The following SEPTIN7 variants were observed in gnomAD, a reference collection of about 807,000 sequenced individuals.
The protein encoded by SEPTIN7 is septin-7.
A neutral mutation model predicts 63.3 loss-of-function variants in SEPTIN7; 10 were observed. The ratio of observed to expected loss-of-function variants is 0.16; its 90% CI spans 0.10 to 0.27. The LOEUF is 0.27. SEPTIN7 is among the 10% of genes least tolerant of loss of function. The probability of loss-of-function intolerance (pLI) is 1.00; values close to 1 mark genes in which losing one functional copy is unlikely to be tolerated. For synonymous variants in SEPTIN7, 131 were observed against 165.3 expected (o/e 0.79, Z 1.59); for missense variants, 310 against 521.0 (o/e 0.59, Z 3.94).
the SEPTIN7 span, among the ~76,000 whole-genome samples, chr7:35,914,580 C>G: frequency 6.6e-6 from 1 of 152,018 alleles, no homozygotes; most frequent in South Asian, 2.1e-4. Context: ...TTGCCAGCTT[C>G]CACAATTGTG....
intron 11 of SEPTIN7, among the ~76,000 whole-genome samples, chr7:35,896,868 C>T (rs1787987323): frequency 6.6e-6 from 1 of 152,206 alleles, no homozygotes; most frequent in Non-Finnish European, 1.5e-5. Context: ...CATCTTAATT[C>T]ATAGCATTAT....
intron 3 of SEPTIN7, among the ~76,000 whole-genome samples, chr7:35,863,211 T>C (rs1291726443): frequency 2.0e-5 from 3 of 150,588 alleles, no homozygotes; most frequent in Non-Finnish European, 3.0e-5. Context: ...TTTATTTCAC[T>C]CAAGCAGCGA....
intron 7 of SEPTIN7, 46 bp from the exon 8 acceptor site, chr7:35,882,438 C>A: frequency 7.6e-7 from 1 of 1,316,518 alleles, no homozygotes; most frequent in Non-Finnish European, 9.9e-7. Context: ...GACTAATATA[C>A]TAATTATGTA....
intron 1 of SEPTIN7, among the ~76,000 whole-genome samples, chr7:35,816,099 A>G (rs1229152526): frequency 6.6e-6 from 1 of 152,180 alleles, no homozygotes. Flanking sequence ...TTTACATGCC[A>G]TAAAATATAC....
Position 35,906,311 on chromosome 7 carries a change from C to G in SEPTIN7, c.*2018C>G, listed in dbSNP as rs1307214675. 1 of 152,182 alleles carries G rather than the reference C, an allele frequency of 6.6e-6. No homozygotes were observed. The highest frequency in any genetic ancestry group is 1.5e-5 in the Non-Finnish European group (1 of 68,022). 9.4% of individuals were successfully genotyped at this position (152,182 alleles called of 1,614,324 possible). ...GGCATGCCCAGGGTTTTACCTGAATCTGATACAGGATCTATATAACTTTAC... is the reference window on the plus strand; with the variant it reads ...GGCATGCCCAGGGTTTTACCTGAATGTGATACAGGATCTATATAACTTTAC... On this transcript the variant is annotated 3_prime_UTR_variant, in exon 14 of 14. Transcript: ENST00000350320.
the SEPTIN7 span, among the ~76,000 whole-genome samples, chr7:35,913,835 A>C: frequency 9.9e-5 from 15 of 152,156 alleles, no homozygotes; most frequent in African/African-American, 3.6e-4. Context: ...AGTGAGCCTT[A>C]CACCTTGGCC....
At chr7:35,860,392 A>G (rs527720442) in intron 3 of SEPTIN7, among the ~76,000 whole-genome samples, 1 of 152,318 alleles carries the variant, frequency 6.6e-6, no homozygotes, top group Non-Finnish European at 1.5e-5. Flanking sequence ...AACCAAAATT[A>G]TAATAATACT....
chr7:35,848,192 AT>A (rs1208398068), intron 3 of SEPTIN7, among the ~76,000 whole-genome samples: 1 of 152,170 alleles, frequency 6.6e-6, no homozygotes, highest in Admixed American at 6.5e-5. Flanking sequence ...TATTTTCTTA[AT>A]TAATGCTGGC....
chr7:35,829,867 CT>C (rs1783738312), intron 1 of SEPTIN7, among the ~76,000 whole-genome samples: 1 of 151,630 alleles, frequency 6.6e-6, no homozygotes, highest in African/African-American at 2.4e-5. Context: ...TAGGGCAGGC[CT>C]TTTTGAAGGT....
At chr7:35,895,506 A>ACAGCATAT (rs1787907340) in intron 11 of SEPTIN7, among the ~76,000 whole-genome samples, 1 of 152,238 alleles carries the variant, frequency 6.6e-6, no homozygotes, top group Non-Finnish European at 1.5e-5. Context: ...ACACATTTGC[A>ACAGCATAT]GGTTTAAAAC....
chr7:35,839,697 G>A (rs1269126423), intron 3 of SEPTIN7, among the ~76,000 whole-genome samples: 6 of 151,996 alleles, frequency 3.9e-5, no homozygotes, highest in African/African-American at 1.2e-4. Context: ...GATTATAGGC[G>A]CCTGCCACCA....
chr7:35,911,612 A>T (rs907815307), downstream of SEPTIN7, among the ~76,000 whole-genome samples: 6 of 152,236 alleles, frequency 3.9e-5, no homozygotes, highest in Admixed American at 6.5e-5. Flanking sequence ...AGCTGATCTG[A>T]ACAAAACGGC....
At chr7:35,904,124 T>C in intron 13 of SEPTIN7, 130 bp from the exon 14 acceptor site, 1 of 557,712 alleles carries the variant, frequency 1.8e-6, no homozygotes. Context: ...AATCTTTTAA[T>C]TTTTTTCAGT....
At chr7:35,856,237 A>G (rs1483524049) in intron 3 of SEPTIN7, among the ~76,000 whole-genome samples, 1 of 152,210 alleles carries the variant, frequency 6.6e-6, no homozygotes, top group Non-Finnish European at 1.5e-5. Flanking sequence ...ATTATACAGT[A>G]TGTATTCTTT....
downstream of SEPTIN7, among the ~76,000 whole-genome samples, chr7:35,908,729 C>T (rs542499281): frequency 5.9e-5 from 9 of 152,256 alleles, no homozygotes; most frequent in East Asian, 1.7e-3. Context: ...GCTTAGCTCC[C>T]TTTTGTCCAA....
chr7:35,829,066 C>T (rs531881321), intron 1 of SEPTIN7, among the ~76,000 whole-genome samples: 103 of 151,098 alleles, frequency 6.8e-4, no homozygotes, highest in African/African-American at 2.5e-3. Flanking sequence ...GCCTCCCTGA[C>T]CTCATTTCCT....
downstream of SEPTIN7, among the ~76,000 whole-genome samples, chr7:35,911,813 T>C (rs1014767455): frequency 4.6e-5 from 7 of 152,166 alleles, no homozygotes; most frequent in Non-Finnish European, 8.8e-5. Flanking sequence ...AGAAAGACAC[T>C]CTACAAACTT....
At chr7:35,832,718 G>C (rs774842801) in intron 2 of SEPTIN7, 80 bp from the exon 3 acceptor site, 1 of 811,834 alleles carries the variant, frequency 1.2e-6, no homozygotes, top group Non-Finnish European at 2.2e-6. Context: ...TTCTAAAATA[G>C]GTTAATGAAG....
chr7:35,909,341 C>T (rs1788696521), downstream of SEPTIN7, among the ~76,000 whole-genome samples: 1 of 151,898 alleles, frequency 6.6e-6, no homozygotes, highest in Non-Finnish European at 1.5e-5. Context: ...CTCATTAGTG[C>T]CTATTTAGAC....
Sources: allele counts gnomAD v4.1 joint callset (sites outside exome capture counted in the v4.1 genomes callset), GRCh38; gene constraint gnomAD v4.1.1; transcripts MANE v1.5; gene names NCBI Gene and HGNC (gene_info 2026-07-23, HGNC 2026-07-21).